Variants in ASTN2 observed in about 807,000 individuals in gnomAD.
The protein encoded by ASTN2 is astrotactin 2.
ASTN2 carries 54 observed loss-of-function variants against 139.8 expected under a neutral mutation model. The ratio of observed to expected loss-of-function variants is 0.39; its 90% CI spans 0.31 to 0.48. ASTN2 has a LOEUF of 0.48. ASTN2 is among the 20% of genes least tolerant of loss of function. ASTN2 has a pLI of 0.95. For missense variants in ASTN2, 1,565 were observed against 1,725.1 expected (o/e 0.91, Z 1.64); for synonymous variants, 756 against 719.5 (o/e 1.05, Z -0.81).
chr9:117,248,217 A>T (rs1833438826), intron 2 of ASTN2, among the ~76,000 whole-genome samples: 1 of 152,236 alleles, frequency 6.6e-6, no homozygotes, highest in African/African-American at 2.4e-5. Flanking sequence ...TTATGGTGGA[A>T]GGAAGCTTCG....
chr9:116,804,101 G>A (rs1181595665), intron 13 of ASTN2, among the ~76,000 whole-genome samples: 1 of 152,074 alleles, frequency 6.6e-6, no homozygotes, highest in Non-Finnish European at 1.5e-5. Context: ...TAACCAGCAT[G>A]GTATATGAGA....
At position 117,197,748 on chromosome 9, in the gene ASTN2, A is replaced by T. The variant is rs551366871; in HGVS notation, c.1015+16610T>A. On this transcript the variant is annotated intron_variant, in intron 3 of 22. Coordinates refer to ENST00000313400, the MANE Select transcript of ASTN2 (RefSeq NM_001365068.1). ...TAGAATGAACAGGCAAGGGTAGAAC[A>T]TTTAGTTGTTGCTTTATATAATACA... is the stretch of plus-strand genomic sequence containing the variant. Among the ~76,000 whole-genome samples, 4 of 152,324 alleles carry T rather than the reference A, an allele frequency of 2.6e-5. No homozygotes were observed. The South Asian group carries it at 8.3e-4, about 32-fold the overall frequency.
At chr9:116,713,055 C>T (rs1194055474) in intron 16 of ASTN2, among the ~76,000 whole-genome samples, 1 of 152,070 alleles carries the variant, frequency 6.6e-6, no homozygotes, top group African/African-American at 2.4e-5. Flanking sequence ...CAACACACTT[C>T]CTTGGATGGG....
chr9:117,362,761 G>A (rs1035717242), intron 1 of ASTN2, among the ~76,000 whole-genome samples: 25 of 152,044 alleles, frequency 1.6e-4, no homozygotes, highest in Admixed American at 5.9e-4. Flanking sequence ...ATGACTGGAC[G>A]CTCCCTCCTT....
At chr9:116,477,420 T>C (rs1156726886) in intron 20 of ASTN2, among the ~76,000 whole-genome samples, 2 of 151,922 alleles carry the variant, frequency 1.3e-5, no homozygotes, top group Admixed American at 1.3e-4. Flanking sequence ...CAAGGGAAGT[T>C]CACATTCCAC....
chr9:116,884,813 C>CCCCG (rs1053750951), intron 10 of ASTN2, among the ~76,000 whole-genome samples: 1 of 123,890 alleles, frequency 8.1e-6, no homozygotes, highest in Admixed American at 8.0e-5. Context: ...GCCCCCCCCC[C>CCCCG]ACCCACTTTT....
At chr9:117,346,229 T>C (rs910806252) in intron 1 of ASTN2, among the ~76,000 whole-genome samples, 4 of 152,086 alleles carry the variant, frequency 2.6e-5, no homozygotes, top group African/African-American at 9.7e-5. Flanking sequence ...TTAAAAGGAT[T>C]TGCATATCTC....
chr9:117,203,698 A>G (rs1272217369), intron 3 of ASTN2, among the ~76,000 whole-genome samples: 1 of 152,112 alleles, frequency 6.6e-6, no homozygotes, highest in East Asian at 1.9e-4. Context: ...TCACTCAAGG[A>G]GTCTGGAGAG....
chr9:116,638,227 T>A (rs1018749257), intron 17 of ASTN2, among the ~76,000 whole-genome samples: 3 of 152,178 alleles, frequency 2.0e-5, no homozygotes, highest in Non-Finnish European at 4.4e-5. Context: ...AGTAAGAATT[T>A]GTCTTTACTC....
chr9:117,124,799 T>C (rs1587990115), intron 4 of ASTN2, among the ~76,000 whole-genome samples: 1 of 135,484 alleles, frequency 7.4e-6, no homozygotes, highest in East Asian at 2.0e-4. Flanking sequence ...AGCGAGACCC[T>C]GCCACCATGA....
chr9:116,797,404 GT>G (rs150853909), intron 13 of ASTN2, among the ~76,000 whole-genome samples: 1,865 of 151,492 alleles, frequency 0.012, 41 homozygotes, highest in African/African-American at 0.042. Context: ...AAGAAAAGAG[GT>G]TTTTTTTTCT....
At chr9:116,930,884 T>C (rs1834877500) in intron 10 of ASTN2, among the ~76,000 whole-genome samples, 2 of 151,992 alleles carry the variant, frequency 1.3e-5, no homozygotes, top group South Asian at 4.2e-4. Context: ...TCATGGATTC[T>C]CCTTCACCAA....
At chr9:116,859,851 T>A (rs565202695) in intron 11 of ASTN2, among the ~76,000 whole-genome samples, 6 of 152,346 alleles carry the variant, frequency 3.9e-5, no homozygotes, top group African/African-American at 1.4e-4. Context: ...TACAGATCCT[T>A]TCCTGGCATG....
chr9:117,146,256 C>T (rs552998207), intron 3 of ASTN2, among the ~76,000 whole-genome samples: 4 of 152,242 alleles, frequency 2.6e-5, no homozygotes, highest in Admixed American at 1.3e-4. Flanking sequence ...GCTCACCCAT[C>T]GCCTGGATGA....
chr9:117,016,646 A>G (rs1837703781), intron 6 of ASTN2, among the ~76,000 whole-genome samples: 3 of 102,416 alleles, frequency 2.9e-5, no homozygotes, highest in African/African-American at 1.3e-4. Context: ...ATATATATAT[A>G]TATATATATA....
chr9:117,219,299 G>A lies in ASTN2; in HGVS notation c.631-4557C>T, dbSNP rs1434739332. Among the ~76,000 whole-genome samples, 7 of 152,122 alleles carry A rather than the reference G, an allele frequency of 4.6e-5. No individual in the cohort carries two copies. In the South Asian group the frequency reaches 1.0e-3, roughly 23 times the overall value. On this transcript the variant is annotated intron_variant, in intron 2 of 22. Coordinates refer to ENST00000313400, the MANE Select transcript of ASTN2 (RefSeq NM_001365068.1). ...AGCAAACAGAAAGGCAGGAGCAATC[G>A]ACCAGTGCTCAGCACGGCCAGTGTG... is the stretch of plus-strand genomic sequence containing the variant.
chr9:116,563,320 A>T (rs961621571), intron 19 of ASTN2, among the ~76,000 whole-genome samples: 1 of 152,042 alleles, frequency 6.6e-6, no homozygotes, highest in Non-Finnish European at 1.5e-5. Flanking sequence ...GTTTGCAGTG[A>T]GCCAAGATCA....
chr9:116,738,056 G>A (rs142242990), intron 13 of ASTN2, among the ~76,000 whole-genome samples: 1,852 of 151,774 alleles, frequency 0.012, 23 homozygotes, highest in Middle Eastern at 0.051. Context: ...GCCGGGCGTG[G>A]TAGCGGGCGC....
chr9:116,480,610 G>A (rs1461869425), intron 20 of ASTN2, among the ~76,000 whole-genome samples: 1 of 152,184 alleles, frequency 6.6e-6, no homozygotes, highest in Non-Finnish European at 1.5e-5. Context: ...TGAGTACCAT[G>A]GCTTTGTGTG....
Sources: gnomAD v4.1 joint callset for allele counts (sites outside exome capture counted in the v4.1 genomes callset) on GRCh38, gnomAD v4.1.1 for gene constraint, MANE v1.5 for transcripts, NCBI Gene and HGNC (gene_info 2026-07-23, HGNC 2026-07-21) for gene names.